The following SPAG16 variants were observed in gnomAD, a reference collection of about 807,000 sequenced individuals.
SPAG16 encodes the protein sperm associated antigen 16, also known as sperm-associated antigen 16 protein.
A neutral mutation model predicts 80.4 loss-of-function variants in SPAG16; 86 were observed. That is an observed-to-expected ratio of 1.07 (90% CI 0.90 to 1.28). The LOEUF is 1.28. Among genes scored for constraint, SPAG16 ranks in the 50% most tolerant of loss-of-function variants. The pLI, the probability that SPAG16 is intolerant of heterozygous loss-of-function variation, is 0.00. For missense variants in SPAG16, 870 were observed against 765.3 expected (o/e 1.14, Z -1.61); for synonymous variants, 294 against 265.9 (o/e 1.11, Z -1.03).
chr2:213,405,581 A>G (rs2068568888), intron 9 of SPAG16, among the ~76,000 whole-genome samples: 1 of 152,200 alleles, frequency 6.6e-6, no homozygotes, highest in African/African-American at 2.4e-5. Flanking sequence ...TATTCCTTCT[A>G]TATAACTGTA....
At chr2:213,347,459 T>G (rs1376999745) in intron 6 of SPAG16, among the ~76,000 whole-genome samples, 1 of 152,220 alleles carries the variant, frequency 6.6e-6, no homozygotes, top group African/African-American at 2.4e-5. Flanking sequence ...GCTTCTCTTG[T>G]TCTTTTAATT....
At chr2:213,669,231 C>T (rs2063727375) in intron 10 of SPAG16, among the ~76,000 whole-genome samples, 1 of 152,186 alleles carries the variant, frequency 6.6e-6, no homozygotes, top group Non-Finnish European at 1.5e-5. Context: ...CTTAATCCTG[C>T]TCTTGTTGTC....
intron 10 of SPAG16, among the ~76,000 whole-genome samples, chr2:213,586,640 A>G (rs1044519145): frequency 6.6e-6 from 1 of 152,242 alleles, no homozygotes; most frequent in African/African-American, 2.4e-5. Flanking sequence ...TCCAAGTTCA[A>G]TGTCTCATCT....
intron 10 of SPAG16, among the ~76,000 whole-genome samples, chr2:213,579,146 T>C (rs1439522658): frequency 1.3e-5 from 2 of 152,168 alleles, no homozygotes; most frequent in Admixed American, 6.6e-5. Flanking sequence ...CTGTAGATCA[T>C]TTTCATTTGA....
At chr2:213,606,145 T>A (rs1383342127) in intron 10 of SPAG16, among the ~76,000 whole-genome samples, 1 of 152,222 alleles carries the variant, frequency 6.6e-6, no homozygotes, top group Non-Finnish European at 1.5e-5. Context: ...TGTTAGTGAT[T>A]TATTCCTTTT....
chr2:213,907,942 A>G (rs1258855013), intron 11 of SPAG16, among the ~76,000 whole-genome samples: 1 of 152,204 alleles, frequency 6.6e-6, no homozygotes, highest in African/African-American at 2.4e-5. Flanking sequence ...TGTGCTCCAT[A>G]GCACTGCAGA....
intron 15 of SPAG16, among the ~76,000 whole-genome samples, chr2:214,205,811 T>C (rs906537377): frequency 2.6e-5 from 4 of 152,198 alleles, no homozygotes; most frequent in Admixed American, 6.5e-5. Context: ...ATCAGAGTAA[T>C]TGCAGTATCC....
chr2:214,129,987 C>T (rs1443783183), intron 14 of SPAG16, among the ~76,000 whole-genome samples: 1 of 152,062 alleles, frequency 6.6e-6, no homozygotes, highest in Non-Finnish European at 1.5e-5. Context: ...ATTTTCTTAA[C>T]AATAATCTCA....
intron 10 of SPAG16, among the ~76,000 whole-genome samples, chr2:213,562,342 G>A (rs1438588597): frequency 2.0e-5 from 3 of 152,120 alleles, no homozygotes; most frequent in Non-Finnish European, 4.4e-5. Flanking sequence ...TGAAGACTCT[G>A]ATCTTTAGTA....
At chr2:214,046,169 A>T (rs1021755437) in intron 13 of SPAG16, among the ~76,000 whole-genome samples, 5 of 152,286 alleles carry the variant, frequency 3.3e-5, no homozygotes, top group Admixed American at 1.3e-4. Flanking sequence ...CCAAAACCTA[A>T]ACAGACCAAT....
chr2:214,037,432 G>A (rs1045514349), intron 13 of SPAG16, among the ~76,000 whole-genome samples: 2 of 151,940 alleles, frequency 1.3e-5, no homozygotes, highest in Non-Finnish European at 2.9e-5. Flanking sequence ...ATGTACTTAT[G>A]TAACTTAGTA....
intron 14 of SPAG16, among the ~76,000 whole-genome samples, chr2:214,121,138 C>T (rs1165128494): frequency 1.3e-5 from 2 of 151,694 alleles, no homozygotes; most frequent in East Asian, 3.9e-4. Context: ...AAGGATATTT[C>T]CAATTTCATT....
intron 9 of SPAG16, among the ~76,000 whole-genome samples, chr2:213,440,318 G>A (rs1480711677): frequency 6.6e-6 from 1 of 152,116 alleles, no homozygotes; most frequent in Admixed American, 6.6e-5. Flanking sequence ...GGGAGGCTGA[G>A]GCAGGCAGAT....
chr2:214,047,918 G>A (rs928775794), intron 13 of SPAG16, among the ~76,000 whole-genome samples: 11 of 152,088 alleles, frequency 7.2e-5, no homozygotes, highest in African/African-American at 2.7e-4. Flanking sequence ...CATACAGATG[G>A]CAAACAGGTA....
chr2:213,301,624 C>T (rs941202868), intron 3 of SPAG16, among the ~76,000 whole-genome samples: 3 of 152,114 alleles, frequency 2.0e-5, no homozygotes, highest in East Asian at 1.9e-4. Flanking sequence ...TTTCTTTTCT[C>T]ATCTGAGCTA....
intron 9 of SPAG16, among the ~76,000 whole-genome samples, chr2:213,394,416 T>A (rs565988871): frequency 6.6e-6 from 1 of 152,300 alleles, no homozygotes; most frequent in South Asian, 2.1e-4. Context: ...ATATGTAAGA[T>A]ATAAATCAGA....
chr2:214,326,738 G>A (rs954745749), intron 15 of SPAG16, among the ~76,000 whole-genome samples: 2 of 152,080 alleles, frequency 1.3e-5, no homozygotes, highest in African/African-American at 4.8e-5. Context: ...GAGATCAGGA[G>A]ATCGAGGCCA....
At chr2:213,825,701 C>CTTTTTTT (rs55777958) in intron 10 of SPAG16, among the ~76,000 whole-genome samples, 14 of 109,774 alleles carry the variant, frequency 1.3e-4, no homozygotes, top group East Asian at 2.6e-4. Context: ...TTCTTTCTTT[C>CTTTTTTT]TTTTTTTTTT....
intron 3 of SPAG16, among the ~76,000 whole-genome samples, chr2:213,307,281 T>C (rs1421211048): frequency 4.6e-5 from 7 of 150,748 alleles, no homozygotes; most frequent in Non-Finnish European, 1.0e-4. Context: ...TGTATACATG[T>C]GCCATGCTGG....
Sources: gnomAD v4.1 joint callset for allele counts (sites outside exome capture counted in the v4.1 genomes callset) on GRCh38, gnomAD v4.1.1 for gene constraint, MANE v1.5 for transcripts, NCBI Gene and HGNC (gene_info 2026-07-23, HGNC 2026-07-21) for gene names.